PVT1: variants seen among roughly 807,000 people sequenced by gnomAD.
PVT1 encodes Pvt1 oncogene.
intron 4 of PVT1, among the ~76,000 whole-genome samples, chr8:127,998,598 TTTC>T (rs1817135347): frequency 6.7e-6 from 1 of 149,808 alleles, no homozygotes; most frequent in African/African-American, 2.5e-5. Context: ...TCTTTTCTTT[TTTC>T]TTTTCTTTCC....
intron 3 of PVT1, among the ~76,000 whole-genome samples, chr8:127,961,243 A>G (rs1361303009): frequency 1.3e-5 from 2 of 152,212 alleles, no homozygotes; most frequent in African/African-American, 2.4e-5. Context: ...TTCAGAAAGC[A>G]TGGCCTCTGC....
chr8:127,989,281 G>A (rs1817003900), exon 4 of PVT1: 4 of 152,112 alleles, frequency 2.6e-5, no homozygotes, highest in Admixed American at 2.0e-4. Flanking sequence ...TTTTGAGATT[G>A]GAGAATTAAG....
intron 2 of PVT1, among the ~76,000 whole-genome samples, chr8:127,805,920 AGT>A (rs1814521966): frequency 6.6e-6 from 1 of 152,174 alleles, no homozygotes; most frequent in African/African-American, 2.4e-5. Context: ...AGAAGAACAA[AGT>A]GTTAGCAGAA....
intron 2 of PVT1, among the ~76,000 whole-genome samples, chr8:127,801,297 A>G (rs1451818751): frequency 6.6e-6 from 1 of 152,130 alleles, no homozygotes; most frequent in Non-Finnish European, 1.5e-5. Flanking sequence ...GCTGGAGTGC[A>G]GTGGGGAGAT....
chr8:128,049,483 G>A (rs1183237511), intron 4 of PVT1, among the ~76,000 whole-genome samples: 1 of 152,188 alleles, frequency 6.6e-6, no homozygotes, highest in East Asian at 1.9e-4. Context: ...GGGCACTGGA[G>A]ACCTACCAGG....
intron 4 of PVT1, among the ~76,000 whole-genome samples, chr8:128,048,065 C>T (rs751777988): frequency 1.3e-5 from 2 of 152,178 alleles, no homozygotes; most frequent in Non-Finnish European, 2.9e-5. Context: ...CAGCCACCAA[C>T]CCCAGATCAG....
At chr8:127,890,329 C>G (rs1815584717) in intron 2 of PVT1, among the ~76,000 whole-genome samples, 1 of 152,224 alleles carries the variant, frequency 6.6e-6, no homozygotes, top group Non-Finnish European at 1.5e-5. Flanking sequence ...CCAGCCTCCT[C>G]TCCCCTCTCA....
At chr8:127,827,222 C>T (rs367719283) in intron 2 of PVT1, among the ~76,000 whole-genome samples, 13 of 152,060 alleles carry the variant, frequency 8.5e-5, no homozygotes, top group East Asian at 3.9e-4. Flanking sequence ...CTCGAACCCC[C>T]GACCTCAGGT....
intron 4 of PVT1, among the ~76,000 whole-genome samples, chr8:128,007,720 A>G (rs1187219697): frequency 1.3e-5 from 2 of 152,208 alleles, no homozygotes; most frequent in Non-Finnish European, 2.9e-5. Context: ...AACAGTAAGA[A>G]TGTGGGTTGT....
intron 3 of PVT1, among the ~76,000 whole-genome samples, chr8:127,958,841 G>A (rs886118310): frequency 6.6e-6 from 1 of 152,168 alleles, no homozygotes; most frequent in Non-Finnish European, 1.5e-5. Context: ...ACAGCCACGG[G>A]AGCCATGTGC....
intron 5 of PVT1, among the ~76,000 whole-genome samples, chr8:128,080,626 G>A (rs943440747): frequency 6.6e-6 from 1 of 152,168 alleles, no homozygotes; most frequent in African/African-American, 2.4e-5. Flanking sequence ...TAAGTGACAT[G>A]TCTTGTGCAA....
intron 4 of PVT1, among the ~76,000 whole-genome samples, chr8:128,060,535 G>T (rs1275453319): frequency 1.3e-5 from 2 of 152,224 alleles, no homozygotes; most frequent in African/African-American, 2.4e-5. Context: ...TTTAAACTCT[G>T]GGAACAGGGC....
intron 4 of PVT1, among the ~76,000 whole-genome samples, chr8:128,023,840 C>T (rs149452441): frequency 5.8e-4 from 89 of 152,272 alleles, no homozygotes; most frequent in African/African-American, 2.1e-3. Context: ...TTACATTCTT[C>T]AAGGAGAAAA....
intron 2 of PVT1, among the ~76,000 whole-genome samples, chr8:127,858,598 A>G (rs188753908): frequency 7.1e-4 from 108 of 151,870 alleles, no homozygotes; most frequent in African/African-American, 2.4e-3. Context: ...TGGACTTTCT[A>G]TTTTTGATGG....
rs558446929 is a variant in PVT1 at position 127,874,054 on chromosome 8, C to T, written n.373-16535C>T. On this transcript the variant is annotated intron_variant and non_coding_transcript_variant, in intron 2 of 10. Coordinates refer to ENST00000651587, the Ensembl canonical transcript of PVT1. ...AAGCTGCTCACAGCTTTGTGTAAGA[C>T]ACTCAAGGGAACATGCAAAGCTCAG... Among the ~76,000 whole-genome samples the T allele has an allele frequency of 8.1e-4, 123 of 152,312 alleles. 1 individual carries two copies. The South Asian group carries it at 0.018, about 23-fold the overall frequency.
intron 2 of PVT1, among the ~76,000 whole-genome samples, chr8:127,819,106 C>T (rs150947072): frequency 9.3e-4 from 141 of 152,280 alleles, no homozygotes; most frequent in African/African-American, 3.3e-3. Context: ...CTGCGAGCCC[C>T]GGGGTAGGCA....
chr8:128,009,005 T>G (rs927585563), intron 4 of PVT1: 7 of 495,904 alleles, frequency 1.4e-5, no homozygotes, highest in African/African-American at 1.4e-4. Context: ...CCAGGCAGTA[T>G]AAATATATGG....
chr8:127,941,530 TG>T (rs1816349564), intron 3 of PVT1, among the ~76,000 whole-genome samples: 1 of 152,228 alleles, frequency 6.6e-6, no homozygotes, highest in African/African-American at 2.4e-5. Flanking sequence ...AGCATTGAAT[TG>T]TTGACCTATA....
intron 3 of PVT1, among the ~76,000 whole-genome samples, chr8:127,915,919 G>A (rs1815978951): frequency 6.6e-6 from 1 of 152,224 alleles, no homozygotes; most frequent in African/African-American, 2.4e-5. Context: ...ACCCTGAAGA[G>A]CCCAGATCTA....
Sources: gnomAD v4.1 joint callset for allele counts (sites outside exome capture counted in the v4.1 genomes callset) on GRCh38, gnomAD v4.1.1 for gene constraint, MANE v1.5 for transcripts, NCBI Gene and HGNC (gene_info 2026-07-23, HGNC 2026-07-21) for gene names.